The following TNFRSF8 variants were observed in gnomAD, a reference collection of about 807,000 sequenced individuals.
TNFRSF8 encodes the protein tumor necrosis factor receptor superfamily member 8.
In TNFRSF8, 26 loss-of-function variants were observed where a neutral mutation model predicts 70.8. That is an observed-to-expected ratio of 0.37 (90% CI 0.27 to 0.51). The LOEUF (loss-of-function observed/expected upper bound fraction) is 0.51, where lower values mean the gene tolerates loss of function less well. TNFRSF8 is among the 20% of genes least tolerant of loss of function. The pLI is 0.94. For missense variants in TNFRSF8, 720 were observed against 807.9 expected, an observed-to-expected ratio of 0.89 and a Z score of 1.32; for synonymous variants, 356 against 339.2, an observed-to-expected ratio of 1.05 and a Z score of -0.54.
chr1:12,064,438 G>C (rs2100934750), intron 1 of TNFRSF8, among the ~76,000 whole-genome samples: 1 of 152,308 alleles, frequency 6.6e-6, no homozygotes, highest in East Asian at 1.9e-4. Flanking sequence ...GGCTGCTGGA[G>C]AGAGAGGCCC....
rs1640694298 is a variant in TNFRSF8 at position 12,063,994 on chromosome 1, A to T, written c.63+333A>T. On this transcript the variant is annotated intron_variant, in intron 1 of 14. Transcript: ENST00000263932. This position sits in a 1 kb window ranked among gnomAD's most constrained non-coding sequence, Gnocchi z 7.2. Reference sequence around the variant, plus strand: ...GGCCCGTCGGGGTCCTGGGCAGATCAGGTGAGGCCGTGGGAGTAGTGGGCA... The same window carrying T: ...GGCCCGTCGGGGTCCTGGGCAGATCTGGTGAGGCCGTGGGAGTAGTGGGCA... Among the ~76,000 whole-genome samples the T allele has an allele frequency of 6.6e-6, 1 of 152,188 alleles. No individual in the cohort carries two copies. Among genetic ancestry groups the T allele is most frequent in the Non-Finnish European group, 1.5e-5 (1 of 68,016 alleles).
At chr1:12,085,752 G>A (rs1641142983) in intron 2 of TNFRSF8, among the ~76,000 whole-genome samples, 1 of 152,200 alleles carries the variant, frequency 6.6e-6, no homozygotes, top group Non-Finnish European at 1.5e-5. Flanking sequence ...CTTCCATTTT[G>A]TAGATGATGC....
At chr1:12,126,502 C>T (rs1641943366) in intron 12 of TNFRSF8, among the ~76,000 whole-genome samples, 2 of 152,150 alleles carry the variant, frequency 1.3e-5, no homozygotes, top group Admixed American at 1.3e-4. Flanking sequence ...CTGGCATGAA[C>T]GTTTAAAAGT....
chr1:12,132,955 C>T (rs1040527292), intron 12 of TNFRSF8, among the ~76,000 whole-genome samples: 1 of 151,840 alleles, frequency 6.6e-6, no homozygotes, highest in African/African-American at 2.4e-5. Context: ...TCCCATTTTC[C>T]AGCTGGGAGG....
intron 14 of TNFRSF8, among the ~76,000 whole-genome samples, chr1:12,139,483 T>C (rs544657589): frequency 6.6e-6 from 1 of 152,212 alleles, no homozygotes; most frequent in Non-Finnish European, 1.5e-5. Flanking sequence ...CTCTCCACCA[T>C]GCTATGCTCC....
chr1:12,142,510 C>A lies in TNFRSF8; in HGVS notation c.1767C>A (p.Pro589=). The change falls in exon 15 of 15, where the codon CCC becomes CCA. Residue 589 remains proline (P), a synonymous_variant. Transcript: ENST00000263932. This position sits in a 1 kb window ranked among gnomAD's most constrained non-coding sequence, Gnocchi z 5.0. ...AGGAAGGGAAAGAAGACCCCTTGCC[C>A]ACAGCTGCCTCTGGAAAGTGAGGCC... ...VEEEGKEDPL[P]TAASGK is the part of the protein sequence containing the mutation. 1.3e-6 allele frequency: 2 copies of A among 1,575,744 alleles called. No homozygotes were observed. The highest frequency in any genetic ancestry group is 8.6e-7 in the Non-Finnish European group (1 of 1,160,682).
intron 12 of TNFRSF8, among the ~76,000 whole-genome samples, chr1:12,133,352 C>G (rs979477276): frequency 1.3e-5 from 2 of 151,168 alleles, no homozygotes; most frequent in Non-Finnish European, 2.9e-5. Context: ...CTGTTGGCCA[C>G]CCCCAGTGAC....
intron 8 of TNFRSF8, among the ~76,000 whole-genome samples, chr1:12,120,300 C>T (rs1404891521): frequency 6.6e-6 from 1 of 152,094 alleles, no homozygotes. Context: ...TGGTATAGAC[C>T]AGTTGAGCCA....
chr1:12,083,140 T>A (rs1355237566), intron 1 of TNFRSF8, among the ~76,000 whole-genome samples: 1 of 152,208 alleles, frequency 6.6e-6, no homozygotes, highest in Non-Finnish European at 1.5e-5. Context: ...ATGGCTAAAC[T>A]TTTAAAAACT....
chr1:12,122,116 G>A (rs561319406), intron 8 of TNFRSF8, among the ~76,000 whole-genome samples: 4 of 152,142 alleles, frequency 2.6e-5, no homozygotes, highest in Non-Finnish European at 4.4e-5. Flanking sequence ...GGATGAGAAT[G>A]TTCTGTATTT....
chr1:12,087,353 A>G lies in TNFRSF8; in HGVS notation c.151+2802A>G, dbSNP rs146074141. ...CAGCTAGTTTTTGTATTTTTAGTAGAGATGGGGTTTCACCGTGTTGGCCAG... is the reference window on the plus strand; with the variant it reads ...CAGCTAGTTTTTGTATTTTTAGTAGGGATGGGGTTTCACCGTGTTGGCCAG... On this transcript the variant is annotated intron_variant, in intron 2 of 14. Coordinates refer to ENST00000263932, the MANE Select transcript of TNFRSF8 (RefSeq NM_001243.5). Among the ~76,000 whole-genome samples, 463 of 151,936 alleles carry G rather than the reference A, an allele frequency of 3.0e-3. 3 individuals are homozygous for G. The highest frequency in any genetic ancestry group is 0.011 in the African/African-American group (450 of 41,446).
chr1:12,123,685 A>G (rs1480946414), intron 9 of TNFRSF8, 30 bp from the exon 10 acceptor site: 2 of 1,528,916 alleles, frequency 1.3e-6, no homozygotes, highest in Admixed American at 2.0e-5. Context: ...TCCCATCTTC[A>G]TCACTCCTGC....
At chr1:12,081,118 T>C (rs986321767) in intron 1 of TNFRSF8, among the ~76,000 whole-genome samples, 4 of 152,126 alleles carry the variant, frequency 2.6e-5, no homozygotes, top group African/African-American at 7.2e-5. Flanking sequence ...TGCAATACCA[T>C]GGGCTCCCCA....
At position 12,138,108 on chromosome 1, in the gene TNFRSF8, T is replaced by G; in HGVS notation, c.1336-121T>G. On this transcript the variant is annotated intron_variant, in intron 13 of 14. Transcript: ENST00000263932. The surrounding 1 kb of genome is among the most constrained non-coding windows in gnomAD (Gnocchi z 5.7). ...GCCCGGGGCAGCTCATGGCAGCTTT[T>G]AAAGCAGAAAGGGGGACTCACTGGG... The G allele has an allele frequency of 9.6e-7, 1 of 1,043,918 alleles. No individual in the cohort carries two copies. Among genetic ancestry groups the G allele is most frequent in the Non-Finnish European group, 1.4e-6 (1 of 732,236 alleles). The allele number at this position is 1,043,918 out of a possible 1,614,324, so 64.7% of individuals were successfully genotyped here.
chr1:12,121,839 A>G (rs960229592), intron 8 of TNFRSF8, among the ~76,000 whole-genome samples: 4 of 152,250 alleles, frequency 2.6e-5, no homozygotes, highest in Admixed American at 6.5e-5. Flanking sequence ...ATGTCCATCA[A>G]CTAGCGAACG....
At chr1:12,123,516 T>C in intron 9 of TNFRSF8, 139 bp downstream of exon 9, 4 of 957,240 alleles carry the variant, frequency 4.2e-6, no homozygotes, top group Non-Finnish European at 4.6e-6. Context: ...TGTGTGCCCA[T>C]CTCTTTGCTG....
At chr1:12,076,474 T>C (rs1200021956) in intron 1 of TNFRSF8, among the ~76,000 whole-genome samples, 1 of 152,188 alleles carries the variant, frequency 6.6e-6, no homozygotes, top group Non-Finnish European at 1.5e-5. Context: ...CTTCAACTCT[T>C]ACACAAAAAT....
chr1:12,085,694 C>G (rs1641142154), intron 2 of TNFRSF8, among the ~76,000 whole-genome samples: 1 of 152,234 alleles, frequency 6.6e-6, no homozygotes, highest in South Asian at 2.1e-4. Flanking sequence ...TGATTGACTT[C>G]TAGTCAATTA....
chr1:12,127,085 G>A (rs942204438), intron 12 of TNFRSF8, among the ~76,000 whole-genome samples: 3 of 152,194 alleles, frequency 2.0e-5, no homozygotes, highest in Non-Finnish European at 4.4e-5. Flanking sequence ...TCTATACAGC[G>A]TGTGTCTTCT....
Sources: allele counts gnomAD v4.1 joint callset (sites outside exome capture counted in the v4.1 genomes callset), GRCh38; gene constraint gnomAD v4.1.1; non-coding constraint Gnocchi (gnomAD v3.1); transcripts MANE v1.5; gene names NCBI Gene and HGNC (gene_info 2026-07-23, HGNC 2026-07-21).